CATSPERE: variants seen among roughly 807,000 people sequenced by gnomAD.
CATSPERE encodes catsper channel auxiliary subunit epsilon.
CATSPERE carries 93 observed loss-of-function variants against 114.1 expected under a neutral mutation model. That is an observed-to-expected ratio of 0.81 (90% confidence interval 0.69 to 0.97). The LOEUF (loss-of-function observed/expected upper bound fraction) is 0.97. Among genes scored for constraint, CATSPERE ranks in the 50% least tolerant of loss-of-function variants. The probability of loss-of-function intolerance (pLI) is 0.00; values close to 1 mark genes in which losing one functional copy is unlikely to be tolerated. For missense variants in CATSPERE, 1,058 were observed against 1,131.6 expected (o/e 0.93, Z 0.93); for synonymous variants, 341 against 384.1 (o/e 0.89, Z 1.31).
chr1:244,588,671 C>T, intron 14 of CATSPERE, 137 bp downstream of exon 14: 2 of 686,630 alleles, frequency 2.9e-6, no homozygotes, highest in Non-Finnish European at 5.2e-6. Flanking sequence ...GACGTTCATG[C>T]CTAGATTCAA....
chr1:244,639,076 A>G (rs887529786), intron 21 of CATSPERE, among the ~76,000 whole-genome samples: 1 of 152,044 alleles, frequency 6.6e-6, no homozygotes, highest in Non-Finnish European at 1.5e-5. Flanking sequence ...AGTTTTTCTC[A>G]TCTGGCCCTG....
chr1:244,600,047 G>A (rs1022661268), intron 17 of CATSPERE, among the ~76,000 whole-genome samples: 2 of 152,142 alleles, frequency 1.3e-5, no homozygotes, highest in African/African-American at 4.8e-5. Flanking sequence ...TAGTAATATA[G>A]CAGACTGAGC....
intron 15 of CATSPERE, 78 bp downstream of exon 15, chr1:244,591,809 G>A: frequency 1.1e-6 from 1 of 874,270 alleles, no homozygotes; most frequent in South Asian, 1.6e-5. Context: ...CTTATTCAGT[G>A]GATTATTATT....
intron 8 of CATSPERE, among the ~76,000 whole-genome samples, chr1:244,536,004 C>A (rs570245192): frequency 6.6e-6 from 1 of 152,030 alleles, no homozygotes; most frequent in Non-Finnish European, 1.5e-5. Flanking sequence ...GGGTCCTTCT[C>A]TTCAAGGCAG....
chr1:244,566,560 T>C (rs1663533533), intron 10 of CATSPERE, among the ~76,000 whole-genome samples: 1 of 151,972 alleles, frequency 6.6e-6, no homozygotes, highest in East Asian at 1.9e-4. Flanking sequence ...GTTGCATTGA[T>C]TCCTTTACCA....
chr1:244,624,163 G>T (rs1279225525), intron 20 of CATSPERE, among the ~76,000 whole-genome samples: 2 of 138,682 alleles, frequency 1.4e-5, no homozygotes, highest in Admixed American at 1.6e-4. Context: ...AGTAGAGACA[G>T]GGTTTCACCG....
chr1:244,546,296 C>G (rs1196870655), intron 8 of CATSPERE, among the ~76,000 whole-genome samples: 1 of 152,142 alleles, frequency 6.6e-6, no homozygotes, highest in Non-Finnish European at 1.5e-5. Flanking sequence ...GGTTTGTGGG[C>G]CACACCAGCT....
chr1:244,481,103 A>G (rs1430827596), intron 5 of CATSPERE, among the ~76,000 whole-genome samples: 1 of 152,094 alleles, frequency 6.6e-6, no homozygotes, highest in Admixed American at 6.6e-5. Context: ...ACGGTGAGCT[A>G]TAATTACACC....
chr1:244,578,405 C>A (rs1356029749), intron 11 of CATSPERE, among the ~76,000 whole-genome samples: 1 of 152,102 alleles, frequency 6.6e-6, no homozygotes, highest in South Asian at 2.1e-4. Flanking sequence ...CCTGCCTCGG[C>A]CTGCCAAAGT....
At chr1:244,538,361 C>G (rs1034416635) in intron 8 of CATSPERE, among the ~76,000 whole-genome samples, 4 of 152,022 alleles carry the variant, frequency 2.6e-5, no homozygotes, top group African/African-American at 9.7e-5. Flanking sequence ...GAGGCAAGAA[C>G]AAAAGACAGA....
At chr1:244,500,136 A>T (rs574662695) in intron 7 of CATSPERE, among the ~76,000 whole-genome samples, 53 of 152,278 alleles carry the variant, frequency 3.5e-4, no homozygotes, top group Non-Finnish European at 2.6e-4. Context: ...CTGGCTGCAT[A>T]AATGTCTTCT....
Position 244,621,152 on chromosome 1 carries a change from TAAA to T in CATSPERE, c.2648+3468_2648+3470del, listed in dbSNP as rs58363678. On this transcript the variant is annotated intron_variant, in intron 20 of 21. Transcript: ENST00000366534. ...AAATATATATAAAATATATATATTATAAAATATATATATTATATATAGATATAT... is the reference window on the plus strand; with the variant it reads ...AAATATATATAAAATATATATATTATATATATATATTATATATAGATATAT... 5.6e-3 allele frequency among the ~76,000 whole-genome samples: 45 copies of T among 7,968 alleles called. 3 individuals carry two copies. Among genetic ancestry groups the T allele is most frequent in the Admixed American group, 0.017 (8 of 476 alleles). 5.2% of individuals were successfully genotyped at this position (7,968 alleles called of 152,430 possible). A position where few individuals can be genotyped will look rare whatever the true frequency, so the allele number is the denominator to read the frequency against.
chr1:244,564,086 C>T (rs1016149763), intron 10 of CATSPERE, among the ~76,000 whole-genome samples: 10 of 152,012 alleles, frequency 6.6e-5, no homozygotes, highest in African/African-American at 2.2e-4. Context: ...ATTTCTGAGG[C>T]CTCTGTTCTG....
At chr1:244,579,224 C>G (rs902622414) in intron 11 of CATSPERE, among the ~76,000 whole-genome samples, 9 of 152,040 alleles carry the variant, frequency 5.9e-5, no homozygotes, top group African/African-American at 1.7e-4. Context: ...GTGAAATGAT[C>G]ACATAGTACA....
At chr1:244,548,851 TC>T (rs1172373018) in intron 8 of CATSPERE, among the ~76,000 whole-genome samples, 1 of 152,148 alleles carries the variant, frequency 6.6e-6, no homozygotes, top group African/African-American at 2.4e-5. Context: ...GATTCTCAAC[TC>T]CAGGAGTCTG....
intron 1 of CATSPERE, 107 bp from the exon 2 acceptor site, chr1:244,463,800 GA>G: frequency 1.0e-6 from 1 of 955,718 alleles, no homozygotes; most frequent in Non-Finnish European, 1.7e-6. Context: ...GAATGAGGCA[GA>G]AAGGTGACAC....
rs115281154 is a variant in CATSPERE, at chr1:244,629,734, A to G, written c.2649-5755A>G. Among the ~76,000 whole-genome samples, 581 of 151,966 alleles carry G rather than the reference A, an allele frequency of 3.8e-3. 7 individuals carry two copies. The highest frequency in any genetic ancestry group is 0.014 in the African/African-American group (566 of 41,468). On this transcript the variant is annotated intron_variant, in intron 20 of 21. Coordinates refer to ENST00000366534, the MANE Select transcript of CATSPERE (RefSeq NM_001130957.2). ...AGCTCAATGCAGTCCCTGCCTCCCA[A>G]GCTCAAGCAATTCTTGTGCCTCAGC...
chr1:244,576,509 A>G (rs1324597126), intron 11 of CATSPERE, among the ~76,000 whole-genome samples: 2 of 149,088 alleles, frequency 1.3e-5, no homozygotes, highest in East Asian at 2.1e-4. Flanking sequence ...AGAAAGTACA[A>G]TTGCCTTGCT....
chr1:244,569,362 G>T (rs903660988), intron 10 of CATSPERE, among the ~76,000 whole-genome samples: 1 of 152,154 alleles, frequency 6.6e-6, no homozygotes, highest in Non-Finnish European at 1.5e-5. Flanking sequence ...GCAGACTGGA[G>T]CTGTTCCTAT....
Sources: allele counts gnomAD v4.1 joint callset (sites outside exome capture counted in the v4.1 genomes callset), GRCh38; gene constraint gnomAD v4.1.1; transcripts MANE v1.5; gene names NCBI Gene and HGNC (gene_info 2026-07-23, HGNC 2026-07-21).